The following FRMD3 variants were observed in gnomAD, a reference collection of about 807,000 sequenced individuals.
FRMD3 encodes FERM domain containing 3.
FRMD3 carries 33 observed loss-of-function variants against 70.2 expected under a neutral mutation model. The observed-to-expected ratio is 0.47, with a 90% CI of 0.36 to 0.63. The LOEUF (loss-of-function observed/expected upper bound fraction) is 0.63, where lower values mean the gene tolerates loss of function less well. Among genes scored for constraint, FRMD3 ranks in the 20% least tolerant of loss-of-function variants. The probability of loss-of-function intolerance (pLI) is 0.00; values close to 1 mark genes in which losing one functional copy is unlikely to be tolerated. For missense variants in FRMD3, 632 were observed against 711.4 expected (o/e 0.89, Z 1.27); for synonymous variants, 279 against 255.9 (o/e 1.09, Z -0.86).
chr9:83,304,000 G>A (rs1835021811), intron 10 of FRMD3, among the ~76,000 whole-genome samples: 1 of 152,172 alleles, frequency 6.6e-6, no homozygotes, highest in Admixed American at 6.5e-5. Flanking sequence ...AATATGTGGT[G>A]CTTTGTAAAT....
intron 2 of FRMD3, among the ~76,000 whole-genome samples, chr9:83,388,196 C>T (rs977074874): frequency 6.6e-6 from 1 of 152,170 alleles, no homozygotes; most frequent in African/African-American, 2.4e-5. Flanking sequence ...GTATCAGATG[C>T]AAATCTAATC....
Position 83,247,758 on chromosome 9 carries a change from AGT to A in FRMD3, c.*158_*159del. On this transcript the variant is annotated 3_prime_UTR_variant, in exon 14 of 14. Transcript: ENST00000304195. ...ACTGTATTTGATTTAAACTTATTTA[AGT>A]GCAGTGAATTATGGAAAGCTAACTT... 1.4e-6 allele frequency: 2 copies of A among 1,467,622 alleles called. No homozygotes were observed. The highest frequency in any genetic ancestry group is 1.8e-6 in the Non-Finnish European group (2 of 1,114,030). 90.9% of individuals were successfully genotyped at this position (1,467,622 alleles called of 1,614,324 possible).
intron 13 of FRMD3, among the ~76,000 whole-genome samples, chr9:83,256,226 A>C (rs1284781569): frequency 6.6e-6 from 1 of 152,064 alleles, no homozygotes; most frequent in East Asian, 1.9e-4. Context: ...GCACACCAAC[A>C]ACCACCTGAT....
chr9:83,335,387 C>T (rs776746855), intron 6 of FRMD3, 129 bp downstream of exon 6: 91 of 921,632 alleles, frequency 9.9e-5, no homozygotes, highest in Non-Finnish European at 1.0e-4. Context: ...AGAAAAATTG[C>T]GCTGCCACGC....
At chr9:83,306,641 A>G (rs1835147460) in intron 10 of FRMD3, among the ~76,000 whole-genome samples, 1 of 152,040 alleles carries the variant, frequency 6.6e-6, no homozygotes. Context: ...TGAAATAACA[A>G]TCTCCTGAGG....
chr9:83,531,033 C>A (rs1160883925), intron 1 of FRMD3, among the ~76,000 whole-genome samples: 1 of 152,166 alleles, frequency 6.6e-6, no homozygotes, highest in Admixed American at 6.5e-5. Flanking sequence ...AGAATGACTG[C>A]ACACTTCTGT....
At chr9:83,560,067 G>A in the FRMD3 span, among the ~76,000 whole-genome samples, 1 of 152,156 alleles carries the variant, frequency 6.6e-6, no homozygotes, top group Non-Finnish European at 1.5e-5. Context: ...GAGATTTCTA[G>A]CTGTCCACCA....
At chr9:83,256,009 T>TA (rs1331990054) in intron 13 of FRMD3, among the ~76,000 whole-genome samples, 9 of 152,172 alleles carry the variant, frequency 5.9e-5, no homozygotes, top group Admixed American at 4.6e-4. Flanking sequence ...TTCACAGAAT[T>TA]AAACAAAAAT....
chr9:83,276,023 A>G (rs1833783516), intron 13 of FRMD3: 1 of 152,244 alleles, frequency 6.6e-6, no homozygotes, highest in Admixed American at 6.5e-5. Context: ...TCACTGACCA[A>G]GGCTACCTAT....
At chr9:83,427,519 T>G (rs1055292285) in intron 1 of FRMD3, among the ~76,000 whole-genome samples, 1 of 152,214 alleles carries the variant, frequency 6.6e-6, no homozygotes, top group African/African-American at 2.4e-5. Flanking sequence ...CCATATTTGA[T>G]TCATTCAATA....
At chr9:83,311,451 A>G (rs1835351205) in intron 8 of FRMD3, among the ~76,000 whole-genome samples, 1 of 152,198 alleles carries the variant, frequency 6.6e-6, no homozygotes, top group Non-Finnish European at 1.5e-5. Context: ...TTTTGCCAAA[A>G]GCATCTTCAC....
chr9:83,582,063 T>TA, the FRMD3 span, among the ~76,000 whole-genome samples: 1 of 152,200 alleles, frequency 6.6e-6, no homozygotes, highest in Non-Finnish European at 1.5e-5. Context: ...TCATAAGTAA[T>TA]AAAAAGTAAT....
chr9:83,516,361 A>C (rs904722614), intron 1 of FRMD3, among the ~76,000 whole-genome samples: 1 of 152,216 alleles, frequency 6.6e-6, no homozygotes, highest in Non-Finnish European at 1.5e-5. Flanking sequence ...AACAAAGATC[A>C]AAAAAGACAA....
chr9:83,481,966 A>G (rs1828576924), intron 1 of FRMD3, among the ~76,000 whole-genome samples: 1 of 151,920 alleles, frequency 6.6e-6, no homozygotes, highest in Non-Finnish European at 1.5e-5. Flanking sequence ...CATAACAAAA[A>G]AAAAAAAAAA....
the FRMD3 span, among the ~76,000 whole-genome samples, chr9:83,562,963 AAAGT>A: frequency 4.5e-3 from 677 of 150,724 alleles, 5 homozygotes; most frequent in African/African-American, 0.016. Context: ...GAAGAGCTGA[AAAGT>A]AAGTAATAGT....
intron 1 of FRMD3, among the ~76,000 whole-genome samples, chr9:83,532,161 T>C (rs565016168): frequency 2.0e-5 from 3 of 152,330 alleles, no homozygotes; most frequent in African/African-American, 7.2e-5. Context: ...TATTTCCACT[T>C]TATAGCTGAG....
chr9:83,555,976 G>GTTGTC, the FRMD3 span, among the ~76,000 whole-genome samples: 7 of 152,314 alleles, frequency 4.6e-5, no homozygotes, highest in South Asian at 1.5e-3. Context: ...CAGGTGAGCT[G>GTTGTC]TTGTCTTGTC....
the FRMD3 span, among the ~76,000 whole-genome samples, chr9:83,562,139 C>T: frequency 6.6e-6 from 1 of 152,212 alleles, no homozygotes; most frequent in South Asian, 2.1e-4. Flanking sequence ...AACGAGCTAG[C>T]GGGATATTTA....
chr9:83,490,796 T>TCACACA (rs1217910906), intron 1 of FRMD3, among the ~76,000 whole-genome samples: 4,258 of 111,726 alleles, frequency 0.038, 77 homozygotes, highest in East Asian at 0.11. Context: ...TCTCTCTCTC[T>TCACACA]CTCACACACA....
Sources: allele counts gnomAD v4.1 joint callset (sites outside exome capture counted in the v4.1 genomes callset), GRCh38; gene constraint gnomAD v4.1.1; transcripts MANE v1.5; gene names NCBI Gene and HGNC (gene_info 2026-07-23, HGNC 2026-07-21).